RICTOR: variants seen among roughly 807,000 people sequenced by gnomAD.
RICTOR encodes RPTOR independent companion of MTOR complex 2.
Under a neutral mutation model 214.9 loss-of-function variants are expected in RICTOR, and 49 were observed. The ratio of observed to expected loss-of-function variants is 0.23; its 90% CI spans 0.18 to 0.29. The LOEUF (loss-of-function observed/expected upper bound fraction) is 0.29. RICTOR is among the 10% of genes least tolerant of loss of function. The probability of loss-of-function intolerance (pLI) is 1.00; values close to 1 mark genes in which losing one functional copy is unlikely to be tolerated. For synonymous variants in RICTOR, 717 were observed against 711.3 expected, an observed-to-expected ratio of 1.01 and a Z score of -0.13; for missense variants, 1,625 against 2,047.0, an observed-to-expected ratio of 0.79 and a Z score of 3.98.
In RICTOR at chr5:38,958,688, G is replaced by A. The variant is rs752425569; in HGVS notation, c.2322C>T (p.Leu774=). 13 of 1,605,586 alleles carry A rather than the reference G, an allele frequency of 8.1e-6. No individual in the cohort carries two copies. Among genetic ancestry groups the A allele is most frequent in the African/African-American group, 2.7e-5 (2 of 74,292 alleles). Residue 774 remains leucine, a synonymous_variant, in exon 23 of 38, where the codon CTC becomes CTT. Coordinates refer to ENST00000357387, the MANE Select transcript of RICTOR (RefSeq NM_152756.5). ...KTISSEALDI[L]DEACEDKANL... ...TTACCTTGTCTTCACATGCTTCATC[G>A]AGGATATCAAGAGCTTCAGAGGAAA...
At chr5:38,995,192 A>G (rs1193899614) in intron 6 of RICTOR, among the ~76,000 whole-genome samples, 1 of 152,226 alleles carries the variant, frequency 6.6e-6, no homozygotes, top group Non-Finnish European at 1.5e-5. Context: ...GAGTGGATAA[A>G]GAAAATGTGG....
chr5:38,953,327 G>A, intron 28 of RICTOR, 134 bp downstream of exon 28: 1 of 533,050 alleles, frequency 1.9e-6, no homozygotes, highest in Non-Finnish European at 3.3e-6. Flanking sequence ...ACTTATATTG[G>A]CAGGAACAAT....
intron 2 of RICTOR, among the ~76,000 whole-genome samples, chr5:39,024,759 T>C (rs1039968931): frequency 1.3e-4 from 20 of 152,242 alleles, no homozygotes; most frequent in South Asian, 8.3e-4. Context: ...TCTGAAAAGA[T>C]AGATTCCTTA....
intron 3 of RICTOR, among the ~76,000 whole-genome samples, chr5:39,020,456 T>C (rs906819998): frequency 1.3e-5 from 2 of 152,156 alleles, no homozygotes; most frequent in African/African-American, 4.8e-5. Context: ...CAAGTTCCTC[T>C]ACCAACAAAA....
At chr5:38,945,796 AT>A (rs1748125280) in intron 33 of RICTOR, 72 bp from the exon 34 acceptor site, 1 of 754,222 alleles carries the variant, frequency 1.3e-6, no homozygotes, top group Non-Finnish European at 2.1e-6. Context: ...ATTATGTGAA[AT>A]TTTAAAGAAA....
intron 11 of RICTOR, among the ~76,000 whole-genome samples, chr5:38,968,602 G>A (rs1750434243): frequency 6.6e-6 from 1 of 151,856 alleles, no homozygotes; most frequent in African/African-American, 2.4e-5. Flanking sequence ...ACTGGGTGTG[G>A]TGGCACGTTC....
chr5:38,947,257 A>C lies in RICTOR; in HGVS notation c.4314+7T>G. The stretch of plus-strand genomic sequence containing the variant: ...TCATAGGAAAACAATAAAATGTATG[A>C]TAATACCTGGAATATATCATTTATA... On this transcript the variant is annotated splice_region_variant and intron_variant, in intron 32 of 37. Transcript: ENST00000357387. 6.3e-7 allele frequency: 1 copy of C among 1,593,182 alleles called. No individual in the cohort carries two copies. Among genetic ancestry groups the C allele is most frequent in the South Asian group, 1.1e-5 (1 of 89,780 alleles).
chr5:39,035,204 G>A lies in RICTOR; in HGVS notation c.98-14068C>T, dbSNP rs910880959. 2.0e-5 allele frequency among the ~76,000 whole-genome samples: 3 copies of A among 152,144 alleles called. No homozygotes were observed. The South Asian group carries it at 6.2e-4, about 32-fold the overall frequency. On this transcript the variant is annotated intron_variant, in intron 2 of 37. Transcript: ENST00000357387. The stretch of plus-strand genomic sequence containing the variant: ...TGCAGCCACCACTGCTGATACCCAG[G>A]CAAACAGGGTCTGGAGTGGACCTCG...
chr5:38,975,732 A>ATACGGC, intron 9 of RICTOR, 128 bp from the exon 10 acceptor site: 1 of 557,180 alleles, frequency 1.8e-6, no homozygotes, highest in Non-Finnish European at 3.1e-6. Flanking sequence ...AATTAAAACA[A>ATACGGC]GACAAAGATC....
intron 3 of RICTOR, among the ~76,000 whole-genome samples, chr5:39,020,587 G>A (rs1183959788): frequency 6.6e-6 from 1 of 152,132 alleles, no homozygotes; most frequent in African/African-American, 2.4e-5. Flanking sequence ...CTACACTATA[G>A]TATAAACATA....
chr5:38,996,510 A>T (rs971445759), intron 6 of RICTOR, among the ~76,000 whole-genome samples: 1 of 152,228 alleles, frequency 6.6e-6, no homozygotes, highest in African/African-American at 2.4e-5. Context: ...GGAGCAAGTA[A>T]TCCTCTTCCT....
intron 29 of RICTOR, 49 bp downstream of exon 29, chr5:38,952,936 G>A: frequency 9.0e-7 from 1 of 1,108,740 alleles, no homozygotes; most frequent in Non-Finnish European, 1.4e-6. Context: ...ACATCCATTT[G>A]TGAATAACAA....
At chr5:39,039,361 C>A (rs1275136965) in intron 2 of RICTOR, among the ~76,000 whole-genome samples, 1 of 152,082 alleles carries the variant, frequency 6.6e-6, no homozygotes, top group African/African-American at 2.4e-5. Context: ...ACCATAAAAA[C>A]CCTAGAAGAA....
At chr5:38,972,078 A>G in intron 10 of RICTOR, 119 bp from the exon 11 acceptor site, 1 of 562,786 alleles carries the variant, frequency 1.8e-6, no homozygotes, top group South Asian at 2.5e-5. Context: ...TTATGATACT[A>G]TTTGGTCATC....
In RICTOR at chr5:38,957,734, C is replaced by T; in HGVS notation, c.2421-4G>A. Reference sequence around the variant, plus strand: ...TCCTTTTGGAATGGAGAGAAATCTGCAAATTAAAACAAGCAATAGTTTAAC... The same window carrying T: ...TCCTTTTGGAATGGAGAGAAATCTGTAAATTAAAACAAGCAATAGTTTAAC... On this transcript the variant is annotated splice_region_variant and splice_polypyrimidine_tract_variant and intron_variant, in intron 24 of 37. Coordinates refer to ENST00000357387, the MANE Select transcript of RICTOR (RefSeq NM_152756.5). The T allele has an allele frequency of 6.7e-7, 1 of 1,499,390 alleles. No individual in the cohort carries two copies. Among genetic ancestry groups the T allele is most frequent in the Non-Finnish European group, 9.2e-7 (1 of 1,086,280 alleles). The allele number at this position is 1,499,390 out of a possible 1,614,324, so 92.9% of individuals were successfully genotyped here.
At chr5:38,948,486 C>A (rs1561441572) in intron 31 of RICTOR, among the ~76,000 whole-genome samples, 1 of 152,028 alleles carries the variant, frequency 6.6e-6, no homozygotes, top group Non-Finnish European at 1.5e-5. Flanking sequence ...CTATTTCAAC[C>A]AGTATAGGTC....
chr5:38,969,306 TA>T (rs1043423146), intron 11 of RICTOR, among the ~76,000 whole-genome samples: 4 of 151,860 alleles, frequency 2.6e-5, no homozygotes, highest in African/African-American at 9.7e-5. Flanking sequence ...GTTTAAAAAG[TA>T]AAAAAATTTA....
intron 2 of RICTOR, among the ~76,000 whole-genome samples, chr5:39,039,600 G>A (rs183764168): frequency 0.033 from 5,031 of 152,226 alleles, 137 homozygotes; most frequent in South Asian, 0.081. Context: ...AATCTACAAT[G>A]AAGTCAAACA....
chr5:38,986,174 C>T (rs1038980204), intron 7 of RICTOR, among the ~76,000 whole-genome samples: 5 of 152,082 alleles, frequency 3.3e-5, no homozygotes. Context: ...ATGCTGTTCT[C>T]GTGATAGTGA....
Sources: gnomAD v4.1 joint callset for allele counts (sites outside exome capture counted in the v4.1 genomes callset) on GRCh38, gnomAD v4.1.1 for gene constraint, MANE v1.5 for transcripts, NCBI Gene and HGNC (gene_info 2026-07-23, HGNC 2026-07-21) for gene names.